TSHZ2: variants seen among roughly 807,000 people sequenced by gnomAD.
The protein encoded by TSHZ2 is teashirt zinc finger homeobox 2.
In TSHZ2, 21 loss-of-function variants were observed where a neutral mutation model predicts 74.4. The observed-to-expected ratio is 0.28, with a 90% confidence interval of 0.20 to 0.41. The LOEUF is 0.41. TSHZ2 is among the 10% of genes least tolerant of loss of function. The pLI is 1.00. For synonymous variants in TSHZ2, 540 were observed against 515.3 expected (o/e 1.05, Z -0.65); for missense variants, 1,244 against 1,293.5 (o/e 0.96, Z 0.59).
At chr20:53,107,865 T>C (rs565995753) in intron 1 of TSHZ2, among the ~76,000 whole-genome samples, 1 of 152,354 alleles carries the variant, frequency 6.6e-6, no homozygotes, top group East Asian at 1.9e-4. Flanking sequence ...CTCCTCTTTC[T>C]TTCTGGCTCC....
At chr20:52,994,832 T>C (rs914849619) in intron 1 of TSHZ2, among the ~76,000 whole-genome samples, 7 of 152,222 alleles carry the variant, frequency 4.6e-5, no homozygotes, top group African/African-American at 1.7e-4. Context: ...CTGGAAACTG[T>C]GATAACCAGA....
At chr20:53,466,011 C>A (rs1985547455) in intron 2 of TSHZ2, among the ~76,000 whole-genome samples, 1 of 149,610 alleles carries the variant, frequency 6.7e-6, no homozygotes, top group Non-Finnish European at 1.5e-5. Context: ...CTTTGGGGGG[C>A]CCAAGGCAGG....
chr20:53,062,723 T>C (rs914762661), intron 1 of TSHZ2, among the ~76,000 whole-genome samples: 6 of 152,222 alleles, frequency 3.9e-5, no homozygotes, highest in Non-Finnish European at 1.5e-5. Context: ...TTCACTTTCC[T>C]ATCATTTGTG....
intron 2 of TSHZ2, among the ~76,000 whole-genome samples, chr20:53,359,545 G>A (rs1228915007): frequency 6.6e-6 from 1 of 152,170 alleles, no homozygotes; most frequent in East Asian, 1.9e-4. Context: ...TGCTAAATCT[G>A]GCAACACTAG....
At chr20:52,993,934 A>C (rs1982079821) in intron 1 of TSHZ2, among the ~76,000 whole-genome samples, 1 of 152,202 alleles carries the variant, frequency 6.6e-6, no homozygotes, top group South Asian at 2.1e-4. Flanking sequence ...GTGAGCTGGA[A>C]ACCTTGCTGG....
intron 2 of TSHZ2, among the ~76,000 whole-genome samples, chr20:53,323,297 C>G (rs370752287): frequency 2.0e-4 from 31 of 152,118 alleles, no homozygotes; most frequent in African/African-American, 7.2e-4. Flanking sequence ...CCGGGTGACT[C>G]TTATAAAATG....
chr20:53,493,130 C>T lies in TSHZ2; in HGVS notation c.*5995C>T, dbSNP rs1271871551. 1.3e-5 allele frequency: 2 copies of T among 152,194 alleles called. No homozygotes were observed. Among genetic ancestry groups the T allele is most frequent in the East Asian group, 1.9e-4 (1 of 5,196 alleles). The allele number at this position is 152,194 out of a possible 1,614,324, so 9.4% of individuals were successfully genotyped here. On this transcript the variant is annotated 3_prime_UTR_variant, in exon 3 of 3. Transcript: ENST00000371497. ...ACATATTTGTATATACTAACTATAT[C>T]GCCATGTATGAACACAGATTTTGTT...
At chr20:53,072,811 A>G (rs940340537) in intron 1 of TSHZ2, among the ~76,000 whole-genome samples, 33 of 152,256 alleles carry the variant, frequency 2.2e-4, no homozygotes, top group African/African-American at 7.9e-4. Context: ...AGGCAGGTAA[A>G]TTCACTAGAA....
At chr20:53,422,647 G>A (rs1208419854) in intron 2 of TSHZ2, among the ~76,000 whole-genome samples, 1 of 152,116 alleles carries the variant, frequency 6.6e-6, no homozygotes, top group African/African-American at 2.4e-5. Context: ...CCGCCGGCCA[G>A]GCCTCTCATT....
intron 1 of TSHZ2, among the ~76,000 whole-genome samples, chr20:52,988,805 G>A (rs539376199): frequency 1.3e-5 from 2 of 152,150 alleles, no homozygotes; most frequent in African/African-American, 2.4e-5. Flanking sequence ...AGTAAGAATC[G>A]TGCTCACCCA....
chr20:53,296,960 G>A (rs1336109793), intron 2 of TSHZ2, among the ~76,000 whole-genome samples: 4 of 152,214 alleles, frequency 2.6e-5, no homozygotes, highest in Non-Finnish European at 4.4e-5. Context: ...GTGAATCCAG[G>A]ATCTTTGATT....
intron 2 of TSHZ2, among the ~76,000 whole-genome samples, chr20:53,270,978 C>T (rs868830778): frequency 2.0e-5 from 3 of 152,164 alleles, no homozygotes; most frequent in Non-Finnish European, 2.9e-5. Context: ...TAGACTCTCC[C>T]GTGAGCAGTA....
rs373218916 is a variant in TSHZ2 at position 53,256,518 on chromosome 20, A to G, written c.3060A>G (p.Ser1020=). ...ACCTAAGCAAAACGCACAGCAAGTC[A>G]CCCGAACACCATTCACAGTTTGTAA... ...KLHLSKTHSK[S]PEHHSQFVTD... The change falls in exon 2 of 3, where the codon TCA becomes TCG. Residue 1020 remains serine, a synonymous_variant. Coordinates refer to ENST00000371497, the MANE Select transcript of TSHZ2 (RefSeq NM_173485.6). The surrounding 1 kb of genome is among the most constrained non-coding windows in gnomAD (Gnocchi z 4.3). The G allele has an allele frequency of 1.8e-5, 29 of 1,609,186 alleles. No homozygotes were observed. The highest frequency in any genetic ancestry group is 1.1e-4 in the East Asian group (5 of 44,798).
At chr20:53,053,431 G>T (rs529416067) in intron 1 of TSHZ2, among the ~76,000 whole-genome samples, 4 of 152,150 alleles carry the variant, frequency 2.6e-5, no homozygotes, top group African/African-American at 4.8e-5. Context: ...GACAAACAAG[G>T]TCCTCTGTGA....
chr20:53,138,352 C>G (rs1000952185), intron 1 of TSHZ2, among the ~76,000 whole-genome samples: 3 of 151,670 alleles, frequency 2.0e-5, no homozygotes, highest in African/African-American at 7.3e-5. Context: ...CCGCTGCACT[C>G]CAGCCTGGAC....
intron 2 of TSHZ2, among the ~76,000 whole-genome samples, chr20:53,257,802 A>G (rs1990514444): frequency 6.6e-6 from 1 of 152,220 alleles, no homozygotes; most frequent in Non-Finnish European, 1.5e-5. Context: ...CTAGTTAATT[A>G]GCTCTTAATT....
At chr20:53,002,031 A>T (rs1982461079) in intron 1 of TSHZ2, among the ~76,000 whole-genome samples, 1 of 152,336 alleles carries the variant, frequency 6.6e-6, no homozygotes, top group South Asian at 2.1e-4. Context: ...CAACCCAGGG[A>T]GGAAAATCTA....
At chr20:53,195,574 C>CA (rs1399676269) in intron 1 of TSHZ2, among the ~76,000 whole-genome samples, 1 of 152,110 alleles carries the variant, frequency 6.6e-6, no homozygotes, top group African/African-American at 2.4e-5. Context: ...TTCATTTTTC[C>CA]AAAAATTAGC....
intron 1 of TSHZ2, among the ~76,000 whole-genome samples, chr20:53,197,664 C>T (rs1988905189): frequency 6.6e-6 from 1 of 152,182 alleles, no homozygotes; most frequent in Non-Finnish European, 1.5e-5. Flanking sequence ...TTAAATGTTA[C>T]CAAGTTCAAA....
Sources: gnomAD v4.1 joint callset for allele counts (sites outside exome capture counted in the v4.1 genomes callset) on GRCh38, gnomAD v4.1.1 for gene constraint, Gnocchi (gnomAD v3.1) non-coding constraint, MANE v1.5 for transcripts, NCBI Gene and HGNC (gene_info 2026-07-23, HGNC 2026-07-21) for gene names.